Variants in MIDEAS observed in about 807,000 individuals in gnomAD.
The protein encoded by MIDEAS is mitotic deacetylase-associated SANT domain protein.
In MIDEAS, 26 loss-of-function variants were observed where a neutral mutation model predicts 102.7. The ratio of observed to expected loss-of-function variants is 0.25; its 90% CI spans 0.19 to 0.35. The LOEUF (loss-of-function observed/expected upper bound fraction) is 0.35, where lower values mean the gene tolerates loss of function less well. Ranked by LOEUF, MIDEAS falls within the 10% of genes least tolerant of loss-of-function variation. The pLI, the probability that MIDEAS is intolerant of heterozygous loss-of-function variation, is 1.00. For synonymous variants in MIDEAS, 585 were observed against 591.0 expected (o/e 0.99, Z 0.15); for missense variants, 1,231 against 1,435.6 (o/e 0.86, Z 2.30).
chr14:73,754,369 C>A (rs1297257657), intron 1 of MIDEAS, among the ~76,000 whole-genome samples: 1 of 152,238 alleles, frequency 6.6e-6, no homozygotes, highest in African/African-American at 2.4e-5. Context: ...AGGACTCACT[C>A]ACGCACATGC....
In MIDEAS at chr14:73,760,102, G is replaced by A. The variant is rs1459976210; in HGVS notation, c.-587C>T. The A allele has an allele frequency of 5.3e-5, 8 of 151,386 alleles. No homozygotes were observed. The highest frequency in any genetic ancestry group is 2.6e-4 in the Admixed American group (4 of 15,228). 9.4% of individuals were successfully genotyped at this position (151,386 alleles called of 1,614,324 possible). ...AGTCCTGCGATGCAGTGTCAGGATT[G>A]CACGGCTCTGACTCATCGGTTGAGC... On this transcript the variant is annotated 5_prime_UTR_variant, in exon 1 of 13. Transcript: ENST00000423556. The surrounding 1 kb of genome is among the most constrained non-coding windows in gnomAD (Gnocchi z 4.8).
chr14:73,755,114 A>G (rs1455080286), intron 1 of MIDEAS: 1 of 152,288 alleles, frequency 6.6e-6, no homozygotes, highest in Non-Finnish European at 1.5e-5. Context: ...TCTCACCACG[A>G]AAGCTCCCTG....
intron 1 of MIDEAS, among the ~76,000 whole-genome samples, chr14:73,771,485 C>T (rs2053641949): frequency 1.3e-5 from 2 of 152,174 alleles, no homozygotes; most frequent in Non-Finnish European, 2.9e-5. Flanking sequence ...ATCATGGACC[C>T]TCCAAATAGA....
chr14:73,738,248 T>A (rs1471033240), intron 2 of MIDEAS, among the ~76,000 whole-genome samples: 1 of 151,988 alleles, frequency 6.6e-6, no homozygotes, highest in Non-Finnish European at 1.5e-5. Context: ...ATACAAAAAT[T>A]AGCCAGGCAT....
In MIDEAS at chr14:73,721,177, AC is replaced by A. The variant is rs1256855035; in HGVS notation, c.2937+119del. 5.3e-6 allele frequency: 5 copies of A among 936,480 alleles called. No homozygotes were observed. In the African/African-American group the frequency reaches 8.1e-5, roughly 15 times the overall value. 58.0% of individuals were successfully genotyped at this position (936,480 alleles called of 1,614,324 possible). A position where few individuals can be genotyped will look rare whatever the true frequency, so the allele number is the denominator to read the frequency against. ...GAGTTAACAGCACAAAGTACTTCAC[AC>A]ATTTCCTGCTATTATGATTATAATG... On this transcript the variant is annotated intron_variant, in intron 11 of 12. Transcript: ENST00000423556.
At chr14:73,772,781 A>G (rs1307935351) in intron 1 of MIDEAS, among the ~76,000 whole-genome samples, 1 of 145,836 alleles carries the variant, frequency 6.9e-6, no homozygotes, top group Non-Finnish European at 1.5e-5. Context: ...ATTTTCTTAC[A>G]GCTTCAAGTT....
intron 1 of MIDEAS, among the ~76,000 whole-genome samples, chr14:73,756,299 C>G (rs62006082): frequency 8.5e-5 from 6 of 70,920 alleles, no homozygotes; most frequent in Non-Finnish European, 1.7e-4. Context: ...TGTGTGTGCG[C>G]GCGCGCGTGC....
intron 1 of MIDEAS, among the ~76,000 whole-genome samples, chr14:73,782,672 A>C (rs1372173362): frequency 6.6e-6 from 1 of 152,162 alleles, no homozygotes; most frequent in African/African-American, 2.4e-5. Context: ...ACCTCCTTCT[A>C]TCAGATTGGT....
At position 73,726,972 on chromosome 14, in the gene MIDEAS, T is replaced by A. The variant is rs1476146003; in HGVS notation, c.2163A>T (p.Pro721=). Reference sequence around the variant, plus strand: ...GGAACCGGGAGCCCACGTTGATCCGTCTAGAGGAGTGAAAAGGGCAGGAAG... The same window carrying A: ...GGAACCGGGAGCCCACGTTGATCCGACTAGAGGAGTGAAAAGGGCAGGAAG... ...MGEATPVSIE[P]RINVGSRFQA... Residue 721 remains proline (P), a splice_region_variant and synonymous_variant, in exon 6 of 13, where the codon CCA becomes CCT. Transcript: ENST00000423556. The A allele has an allele frequency of 6.3e-7, 1 of 1,591,610 alleles. No individual in the cohort carries two copies. Among genetic ancestry groups the A allele is most frequent in the African/African-American group, 1.3e-5 (1 of 74,164 alleles).
intron 1 of MIDEAS, among the ~76,000 whole-genome samples, chr14:73,774,816 C>T (rs1158693999): frequency 6.6e-6 from 1 of 152,022 alleles, no homozygotes; most frequent in Non-Finnish European, 1.5e-5. Flanking sequence ...AGCACACAGT[C>T]CACCAGACAT....
chr14:73,784,693 C>T (rs2053790324), intron 1 of MIDEAS, among the ~76,000 whole-genome samples: 1 of 152,174 alleles, frequency 6.6e-6, no homozygotes. Flanking sequence ...AGGACCTTCA[C>T]AGTCAAGATC....
At chr14:73,778,397 C>T (rs1322344708) in intron 1 of MIDEAS, among the ~76,000 whole-genome samples, 1 of 150,206 alleles carries the variant, frequency 6.7e-6, no homozygotes, top group East Asian at 2.0e-4. Flanking sequence ...AAGGTCACGA[C>T]TGTTGTGGTT....
chr14:73,731,571 A>G (rs2053140323), intron 3 of MIDEAS, among the ~76,000 whole-genome samples: 1 of 152,248 alleles, frequency 6.6e-6, no homozygotes, highest in African/African-American at 2.4e-5. Context: ...TAATTTTATA[A>G]TAAGGGATTT....
chr14:73,789,005 A>G (rs774408602), upstream of MIDEAS: 4 of 152,176 alleles, frequency 2.6e-5, no homozygotes, highest in African/African-American at 9.7e-5. Context: ...TTACACATAC[A>G]TTGCTTTTTT....
intron 1 of MIDEAS, among the ~76,000 whole-genome samples, chr14:73,769,309 G>A (rs78503978): frequency 0.023 from 3,482 of 152,340 alleles, 135 homozygotes; most frequent in African/African-American, 0.079. Flanking sequence ...GGAGATAAAT[G>A]AGGCGGGAGG....
intron 3 of MIDEAS, 135 bp from the exon 4 acceptor site, chr14:73,730,120 G>C (rs573686564): frequency 2.1e-6 from 2 of 931,178 alleles, no homozygotes; most frequent in East Asian, 2.6e-5. Context: ...CCTGAAAAAA[G>C]GAGCAGGTCC....
chr14:73,777,758 G>C (rs946787874), intron 1 of MIDEAS, among the ~76,000 whole-genome samples: 14 of 152,118 alleles, frequency 9.2e-5, no homozygotes, highest in African/African-American at 2.6e-4. Context: ...GCAAGGCACT[G>C]GGGTTTTCCT....
chr14:73,718,866 T>A lies in MIDEAS; in HGVS notation c.3277A>T (p.Ser1093Cys). ...AAHQQALREE[S>C]GAGDKG ...GCTCAGCCCTTGTCGCCCGCACCGC[T>A]CTCCTCCCGCAGGGCCTGCTGGTGG... Residue 1093 changes from serine (S) to cysteine (C), a missense_variant, in exon 13 of 13, where the codon AGC becomes TGC. Transcript: ENST00000423556. 1 of 1,505,688 alleles carries A rather than the reference T, an allele frequency of 6.6e-7. No individual in the cohort carries two copies. Among genetic ancestry groups the A allele is most frequent in the Non-Finnish European group, 8.8e-7 (1 of 1,134,088 alleles). 93.3% of individuals were successfully genotyped at this position (1,505,688 alleles called of 1,614,324 possible).
intron 9 of MIDEAS, chr14:73,724,845 G>A (rs751105109): frequency 1.1e-5 from 2 of 176,906 alleles, no homozygotes; most frequent in East Asian, 1.4e-4. Flanking sequence ...AGGCAACTCT[G>A]GGTCAAAGGA....
Sources: gnomAD v4.1 joint callset for allele counts (sites outside exome capture counted in the v4.1 genomes callset) on GRCh38, gnomAD v4.1.1 for gene constraint, Gnocchi (gnomAD v3.1) non-coding constraint, MANE v1.5 for transcripts, NCBI Gene and HGNC (gene_info 2026-07-23, HGNC 2026-07-21) for gene names.